Variants in ELP4 observed in about 807,000 individuals in gnomAD.
ELP4 encodes elongator acetyltransferase complex subunit 4, also known as elongator complex protein 4.
In ELP4, 51 loss-of-function variants were observed where a neutral mutation model predicts 48.9. The ratio of observed to expected loss-of-function variants is 1.04; its 90% CI spans 0.83 to 1.32. The LOEUF (loss-of-function observed/expected upper bound fraction) is 1.32. Ranked by LOEUF, ELP4 falls within the 40% of genes most tolerant of loss-of-function variation. ELP4 has a pLI of 0.00. For synonymous variants in ELP4, 210 were observed against 189.2 expected, an observed-to-expected ratio of 1.11 and a Z score of -0.90; for missense variants, 519 against 514.6, an observed-to-expected ratio of 1.01 and a Z score of -0.08.
intron 9 of ELP4, among the ~76,000 whole-genome samples, chr11:31,744,086 A>G (rs1044628091): frequency 2.6e-5 from 4 of 152,198 alleles, no homozygotes; most frequent in African/African-American, 7.2e-5. Context: ...CAGAAATACA[A>G]ACTACCATCA....
At chr11:31,713,593 A>G (rs963281637) in intron 9 of ELP4, among the ~76,000 whole-genome samples, 2 of 152,188 alleles carry the variant, frequency 1.3e-5, no homozygotes, top group Non-Finnish European at 2.9e-5. Context: ...TTTGAGCATC[A>G]TATTATTATA....
chr11:31,744,344 A>C (rs1248813787), intron 9 of ELP4, among the ~76,000 whole-genome samples: 1 of 152,220 alleles, frequency 6.6e-6, no homozygotes, highest in Non-Finnish European at 1.5e-5. Flanking sequence ...TCCTTCTGAA[A>C]CTATTCCAAT....
At chr11:31,560,644 T>C (rs1181796739) in intron 3 of ELP4, among the ~76,000 whole-genome samples, 2 of 122,942 alleles carry the variant, frequency 1.6e-5, no homozygotes, top group African/African-American at 6.0e-5. Context: ...TAAAATATTT[T>C]ATAAAATATA....
chr11:31,668,367 C>CT (rs1211697289), intron 9 of ELP4, among the ~76,000 whole-genome samples: 1 of 152,078 alleles, frequency 6.6e-6, no homozygotes, highest in African/African-American at 2.4e-5. Context: ...CCTCAGACTA[C>CT]TTTTTTACAC....
At chr11:31,549,656 T>C (rs909609222) in intron 3 of ELP4, among the ~76,000 whole-genome samples, 1 of 152,138 alleles carries the variant, frequency 6.6e-6, no homozygotes, top group Non-Finnish European at 1.5e-5. Flanking sequence ...CAAAGGACTA[T>C]AAATCATGCT....
chr11:31,776,175 A>G (rs571181339), intron 9 of ELP4, among the ~76,000 whole-genome samples: 2,308 of 148,706 alleles, frequency 0.016, 100 homozygotes, highest in African/African-American at 0.054. Flanking sequence ...AAAAAAAAAA[A>G]GAGTATGGGA....
At chr11:31,539,628 A>G (rs760486622) in intron 2 of ELP4, 34 bp from the exon 3 acceptor site, 8 of 1,571,916 alleles carry the variant, frequency 5.1e-6, no homozygotes, top group East Asian at 2.3e-5. Context: ...TTTTCTTGCT[A>G]TATGTTTCTA....
intron 9 of ELP4, among the ~76,000 whole-genome samples, chr11:31,759,913 G>A (rs1055530818): frequency 9.9e-5 from 15 of 152,096 alleles, no homozygotes; most frequent in African/African-American, 3.6e-4. Context: ...CACTTGGCCA[G>A]GGTAGTCTTG....
At chr11:31,622,052 T>A (rs1944633697) in intron 5 of ELP4, among the ~76,000 whole-genome samples, 1 of 151,870 alleles carries the variant, frequency 6.6e-6, no homozygotes, top group South Asian at 2.1e-4. Flanking sequence ...ATTCATCGAA[T>A]GTGGTGACTG....
Position 31,700,865 on chromosome 11 carries a change from A to G in ELP4, c.1143+50644A>G, listed in dbSNP as rs186178788. Among the ~76,000 whole-genome samples, 23 of 152,238 alleles carry G rather than the reference A, an allele frequency of 1.5e-4. No individual in the cohort carries two copies. In the East Asian group the frequency reaches 2.9e-3, roughly 19 times the overall value. Reference sequence around the variant, plus strand: ...CAATGAGAATGTAGAAAGAAATACTAGAAAACCTTTTTCTTTCTCCTTGCC... The same window carrying G: ...CAATGAGAATGTAGAAAGAAATACTGGAAAACCTTTTTCTTTCTCCTTGCC... On this transcript the variant is annotated intron_variant, in intron 9 of 9. Transcript: ENST00000640961.
chr11:31,780,986 C>T (rs1948359824), intron 9 of ELP4, among the ~76,000 whole-genome samples: 1 of 152,204 alleles, frequency 6.6e-6, no homozygotes, highest in Non-Finnish European at 1.5e-5. Flanking sequence ...TCATGTTTTC[C>T]TTCGCCAACT....
intron 9 of ELP4, chr11:31,707,240 C>A: frequency 2.7e-6 from 1 of 367,626 alleles, no homozygotes; most frequent in Non-Finnish European, 4.8e-6. Context: ...TATATAATTT[C>A]ATGTAAGTAT....
intron 9 of ELP4, chr11:31,706,880 A>G (rs1039888351): frequency 1.0e-5 from 4 of 394,556 alleles, no homozygotes; most frequent in African/African-American, 8.2e-5. Context: ...AATGTCCTCC[A>G]GTTCCATCCA....
rs186874343 is a variant in ELP4, at chr11:31,547,789, C to T, written c.381+8006C>T. Among the ~76,000 whole-genome samples, 359 of 152,214 alleles carry T rather than the reference C, an allele frequency of 2.4e-3. 5 individuals carry two copies. Among genetic ancestry groups the T allele is most frequent in the Admixed American group, 0.02 (303 of 15,284 alleles). On this transcript the variant is annotated intron_variant, in intron 3 of 9. Coordinates refer to ENST00000640961, the MANE Select transcript of ELP4 (RefSeq NM_019040.5). Reference sequence around the variant, plus strand: ...AGCACATCAAAAAGCTTATCCACCACGATCAAGTGGACTTCATCCCTGGGA... The same window carrying T: ...AGCACATCAAAAAGCTTATCCACCATGATCAAGTGGACTTCATCCCTGGGA...
chr11:31,673,888 A>T (rs549162019), intron 9 of ELP4, among the ~76,000 whole-genome samples: 2 of 152,374 alleles, frequency 1.3e-5, no homozygotes, highest in East Asian at 1.9e-4. Flanking sequence ...TAGTTAGCTC[A>T]TGGTTACTCT....
chr11:31,739,933 T>C (rs1947409165), intron 9 of ELP4, among the ~76,000 whole-genome samples: 1 of 152,254 alleles, frequency 6.6e-6, no homozygotes, highest in Non-Finnish European at 1.5e-5. Context: ...ATTACTGCCA[T>C]CACTCCAATT....
intron 3 of ELP4, 44 bp downstream of exon 3, chr11:31,539,827 G>C: frequency 6.6e-7 from 1 of 1,512,642 alleles, no homozygotes; most frequent in Non-Finnish European, 8.9e-7. Flanking sequence ...AATGTTTCAT[G>C]AAAAAATATT....
intron 5 of ELP4, among the ~76,000 whole-genome samples, chr11:31,619,223 T>C (rs1045301308): frequency 1.3e-5 from 2 of 151,858 alleles, no homozygotes; most frequent in Non-Finnish European, 2.9e-5. Flanking sequence ...AGGAGAGAAT[T>C]GCCCAAGTGA....
intron 5 of ELP4, among the ~76,000 whole-genome samples, chr11:31,612,063 C>G (rs900608964): frequency 6.6e-6 from 1 of 152,020 alleles, no homozygotes; most frequent in African/African-American, 2.4e-5. Flanking sequence ...GCCAATGTGG[C>G]TGAAATAGTG....
Sources: gnomAD v4.1 joint callset for allele counts (sites outside exome capture counted in the v4.1 genomes callset) on GRCh38, gnomAD v4.1.1 for gene constraint, MANE v1.5 for transcripts, NCBI Gene and HGNC (gene_info 2026-07-23, HGNC 2026-07-21) for gene names.